RNF213: variants seen among roughly 807,000 people sequenced by gnomAD.
The protein encoded by RNF213 is ring finger protein 213.
Under a neutral mutation model 514.4 loss-of-function variants are expected in RNF213, and 341 were observed. The observed-to-expected ratio is 0.66, with a 90% CI of 0.61 to 0.73. RNF213 has a LOEUF of 0.73. RNF213 is among the 30% of genes least tolerant of loss of function. RNF213 has a pLI of 0.00. For missense variants in RNF213, 5,767 were observed against 6,615.6 expected (o/e 0.87, Z 4.45); for synonymous variants, 2,655 against 2,658.2 (o/e 1.00, Z 0.04).
Position 80,336,244 on chromosome 17 carries a change from T to C in RNF213, c.4393T>C (p.Phe1465Leu). ...CATTGATGTGGACCGGGTGGCCTGC[T>C]TCCATGACGCTGTGCAGGGCTACGC... ...NDIDVDRVAC[F>L]HDAVQGYASL... Residue 1465 changes from phenylalanine to leucine, a missense_variant, in exon 23 of 68, where the codon TTC (phenylalanine) becomes CTC (leucine). Phe to Leu is a conservative substitution (Grantham distance 22). Coordinates refer to ENST00000582970, the MANE Select transcript of RNF213 (RefSeq NM_001256071.3). 1 of 1,537,220 alleles carries C rather than the reference T, an allele frequency of 6.5e-7. No homozygotes were observed. The highest frequency in any genetic ancestry group is 8.7e-7 in the Non-Finnish European group (1 of 1,146,892).
In RNF213 at chr17:80,379,290, C is replaced by CT. The variant is rs1156555399; in HGVS notation, c.13546-329dup. On this transcript the variant is annotated intron_variant, in intron 54 of 67. Coordinates refer to ENST00000582970, the MANE Select transcript of RNF213 (RefSeq NM_001256071.3). ...GTATTAGATCATGAAGTGCCACAGG[C>CT]TAGTGTGATAGATGGAGGGATGGAA... Among the ~76,000 whole-genome samples, 13 of 152,248 alleles carry CT rather than the reference C, an allele frequency of 8.5e-5. No individual in the cohort carries two copies. The East Asian group carries it at 1.7e-3, about 20-fold the overall frequency.
chr17:80,369,361 G>A, intron 44 of RNF213, 141 bp from the exon 45 acceptor site: 1 of 841,112 alleles, frequency 1.2e-6, no homozygotes, highest in African/African-American at 1.7e-5. Flanking sequence ...TCGCGCCACT[G>A]TACTCCAGCC....
chr17:80,288,486 G>T lies in RNF213; in HGVS notation c.810+123G>T. ...GGGCGTCCTCTGGGCCCTGCTCCCT[G>T]GGTGGGAGTCGGAGGGCTGCCCCTC... On this transcript the variant is annotated intron_variant, in intron 4 of 67. Coordinates refer to ENST00000582970, the MANE Select transcript of RNF213 (RefSeq NM_001256071.3). This position sits in a 1 kb window ranked among gnomAD's most constrained non-coding sequence, Gnocchi z 4.9. 5.0e-6 allele frequency: 8 copies of T among 1,593,826 alleles called. No homozygotes were observed. The highest frequency in any genetic ancestry group is 6.9e-6 in the Non-Finnish European group (8 of 1,166,420).
In RNF213 at chr17:80,354,504, A is replaced by G. The variant is rs2078657277; in HGVS notation, c.10790A>G (p.Gln3597Arg). Residue 3597 changes from glutamine to arginine, a missense_variant, in exon 36 of 68, where the codon CAG becomes CGG. Physicochemically the swap from Gln to Arg is conservative, Grantham distance 43. Coordinates refer to ENST00000582970, the MANE Select transcript of RNF213 (RefSeq NM_001256071.3). The stretch of plus-strand genomic sequence containing the variant: ...TTTTTAAAGAAGCAAGAAGAGAGCC[A>G]GTTTCACCCTCTGGAGTGGTTGGCA... ...SVFLKKQEES[Q>R]FHPLEWLARE... is the part of the protein sequence containing the mutation. 1 of 1,614,220 alleles carries G rather than the reference A, an allele frequency of 6.2e-7. No homozygotes were observed.
intron 51 of RNF213, among the ~76,000 whole-genome samples, 175 bp from the exon 52 acceptor site, chr17:80,376,126 G>A (rs1267175804): frequency 6.6e-6 from 1 of 152,192 alleles, no homozygotes; most frequent in Non-Finnish European, 1.5e-5. Flanking sequence ...TACGTATGTG[G>A]ATGCTGTGTT....
chr17:80,267,448 GA>G (rs1008745643), intron 2 of RNF213, among the ~76,000 whole-genome samples: 7 of 151,922 alleles, frequency 4.6e-5, no homozygotes, highest in Admixed American at 2.0e-4. Flanking sequence ...TCCCAAAAAA[GA>G]AAAAAAGTGC....
chr17:80,325,287 A>G, intron 18 of RNF213, 89 bp downstream of exon 18: 1 of 1,288,940 alleles, frequency 7.8e-7, no homozygotes, highest in Non-Finnish European at 1.0e-6. Flanking sequence ...ATTTGACATG[A>G]TGATACTGAA....
At chr17:80,266,290 AG>A (rs140649751) in intron 2 of RNF213, among the ~76,000 whole-genome samples, 5,614 of 149,540 alleles carry the variant, frequency 0.038, 397 homozygotes, top group African/African-American at 0.13. Flanking sequence ...AAAAAAAAAA[AG>A]AAAAAAAAAT....
rs750675483 is a variant in RNF213 at position 80,327,914 on chromosome 17, A to G, written c.3292A>G (p.Ser1098Gly). The change falls in exon 19 of 68, where the codon AGT becomes GGT. Residue 1098 changes from serine to glycine, a missense_variant. Ser to Gly is a moderately conservative substitution (Grantham distance 56). Coordinates refer to ENST00000582970, the MANE Select transcript of RNF213 (RefSeq NM_001256071.3). ...GACGAAAGTTGTTGGTGACCTCCTA[A>G]GTGGCACGATTTTAGTTGGACAACT... The part of the protein sequence containing the change: ...VLTKVVGDLL[S>G]GTILVGQLEL... 13 of 1,537,266 alleles carry G rather than the reference A, an allele frequency of 8.5e-6. 1 individual carries two copies. In the South Asian group the frequency reaches 1.5e-4, roughly 18 times the overall value.
intron 64 of RNF213, 177 bp from the exon 65 acceptor site, chr17:80,388,996 T>C: frequency 1.5e-6 from 1 of 653,460 alleles, no homozygotes; most frequent in Non-Finnish European, 2.7e-6. Context: ...TAGGTAGACC[T>C]GTGTGTCTCC....
chr17:80,313,937 G>A (rs1273269840), intron 15 of RNF213, among the ~76,000 whole-genome samples: 7 of 19,258 alleles, frequency 3.6e-4, no homozygotes, highest in Non-Finnish European at 5.0e-4. Flanking sequence ...TGGAGGTAAT[G>A]GAGGTGATGG....
At chr17:80,277,073 CCAAA>C (rs2044088419) in intron 3 of RNF213, among the ~76,000 whole-genome samples, 4 of 148,634 alleles carry the variant, frequency 2.7e-5, no homozygotes, top group Admixed American at 2.0e-4. Flanking sequence ...AGCAAACAAA[CCAAA>C]AAAAAAACAA....
rs569352709 is a variant in RNF213 at position 80,389,866 on chromosome 17, C to A, written c.15234C>A (p.Leu5078=). ...NRCQLKHTIA[L]WQFLSAHKSE... ...GCCAGTTAAAACACACCATTGCCCT[C>A]TGGCAGTTCCTGTCTGCTCATAAGT... Residue 5078 remains leucine, a synonymous_variant, in exon 66 of 68, where the codon CTC becomes CTA. Coordinates refer to ENST00000582970, the MANE Select transcript of RNF213 (RefSeq NM_001256071.3). 188 of 1,614,206 alleles carry A rather than the reference C, an allele frequency of 1.2e-4. 2 individuals are homozygous for A. The South Asian group carries it at 1.3e-3, about 11-fold the overall frequency.
intron 3 of RNF213, among the ~76,000 whole-genome samples, chr17:80,277,776 C>A (rs994726424): frequency 6.6e-6 from 1 of 152,176 alleles, no homozygotes; most frequent in African/African-American, 2.4e-5. Flanking sequence ...GCAGTGTATG[C>A]GTGAACGGTG....
chr17:80,292,231 C>G (rs1005421679), intron 8 of RNF213, among the ~76,000 whole-genome samples: 1 of 152,102 alleles, frequency 6.6e-6, no homozygotes, highest in Admixed American at 6.6e-5. Context: ...ATTACAGGAG[C>G]CTGTCACCAC....
Position 80,328,398 on chromosome 17 carries a change from A to G in RNF213, c.3438A>G (p.Glu1146=), listed in dbSNP as rs777039786. ...AAGCACTGGATTGGAGAAGGGAGGAACTGTTACTTCTAAAGAAAGAGAAAA... is the reference window on the plus strand; with the variant it reads ...AAGCACTGGATTGGAGAAGGGAGGAGCTGTTACTTCTAAAGAAAGAGAAAA... ...VEEALDWRRE[E]LLLLKKEKRC... Residue 1146 remains glutamate, a synonymous_variant, in exon 20 of 68, where the codon GAA becomes GAG. Coordinates refer to ENST00000582970, the MANE Select transcript of RNF213 (RefSeq NM_001256071.3). 130 of 1,537,044 alleles carry G rather than the reference A, an allele frequency of 8.5e-5. No individual in the cohort carries two copies. In the Middle Eastern group the frequency reaches 1.0e-3, roughly 12 times the overall value.
chr17:80,321,112 A>G (rs1327597131), intron 17 of RNF213: 1 of 152,232 alleles, frequency 6.6e-6, no homozygotes, highest in East Asian at 1.9e-4. Flanking sequence ...ATTTTGGAAT[A>G]TTTGCATTTA....
Position 80,308,959 on chromosome 17 carries a change from C to T in RNF213, c.2502-59C>T, listed in dbSNP as rs116926142. The T allele has an allele frequency of 5.0e-3, 8,041 of 1,606,526 alleles. 39 individuals are homozygous for T. Among genetic ancestry groups the T allele is most frequent in the Non-Finnish European group, 5.9e-3 (6,900 of 1,174,758 alleles). On this transcript the variant is annotated intron_variant, in intron 13 of 67. Coordinates refer to ENST00000582970, the MANE Select transcript of RNF213 (RefSeq NM_001256071.3). Reference sequence around the variant, plus strand: ...GGAAGGAGCTAGTCATCAATGGTAACCATTTTCTGGCTTCTCCTAAATCCT... The same window carrying T: ...GGAAGGAGCTAGTCATCAATGGTAATCATTTTCTGGCTTCTCCTAAATCCT...
chr17:80,262,409 T>C (rs375651581), intron 1 of RNF213, among the ~76,000 whole-genome samples: 2 of 152,032 alleles, frequency 1.3e-5, no homozygotes, highest in Admixed American at 6.6e-5. Flanking sequence ...GACAGGGGCT[T>C]GGGGCTGGAG....
Sources: allele counts gnomAD v4.1 joint callset (sites outside exome capture counted in the v4.1 genomes callset), GRCh38; gene constraint gnomAD v4.1.1; non-coding constraint Gnocchi (gnomAD v3.1); transcripts MANE v1.5; gene names NCBI Gene and HGNC (gene_info 2026-07-23, HGNC 2026-07-21).